Variants in SSBP2 observed in about 807,000 individuals in gnomAD.
SSBP2 encodes single-stranded DNA-binding protein 2.
A neutral mutation model predicts 61.8 loss-of-function variants in SSBP2; 17 were observed. The ratio of observed to expected loss-of-function variants is 0.28; its 90% CI spans 0.19 to 0.41. The LOEUF is 0.41. Among genes scored for constraint, SSBP2 ranks in the 10% least tolerant of loss-of-function variants. The pLI is 1.00. For missense variants in SSBP2, 310 were observed against 458.7 expected (o/e 0.68, Z 2.96); for synonymous variants, 139 against 141.3 (o/e 0.98, Z 0.12).
intron 10 of SSBP2, among the ~76,000 whole-genome samples, chr5:81,454,834 G>A (rs1422686300): frequency 6.6e-6 from 1 of 152,010 alleles, no homozygotes; most frequent in Non-Finnish European, 1.5e-5. Context: ...AACATTGGAC[G>A]CAAAGGGCAG....
intron 4 of SSBP2, among the ~76,000 whole-genome samples, chr5:81,599,685 A>T (rs112398240): frequency 7.9e-5 from 12 of 152,312 alleles, no homozygotes; most frequent in African/African-American, 2.6e-4. Context: ...CTTCCTTCAA[A>T]ATTCAGCTCT....
intron 1 of SSBP2, among the ~76,000 whole-genome samples, chr5:81,713,237 G>A (rs1754917349): frequency 6.6e-6 from 1 of 151,868 alleles, no homozygotes; most frequent in African/African-American, 2.4e-5. Context: ...GAGAGAAAAA[G>A]TTTACAAACA....
chr5:81,684,775 A>G (rs1260929598), intron 1 of SSBP2, among the ~76,000 whole-genome samples: 2 of 152,246 alleles, frequency 1.3e-5, no homozygotes, highest in East Asian at 3.9e-4. Flanking sequence ...TTTGTCTCAG[A>G]TGAGACTTTG....
At chr5:81,515,409 C>G (rs1301831698) in intron 4 of SSBP2, among the ~76,000 whole-genome samples, 1 of 151,972 alleles carries the variant, frequency 6.6e-6, no homozygotes, top group Non-Finnish European at 1.5e-5. Context: ...GGAAATCACA[C>G]TCACCTGTAC....
intron 4 of SSBP2, among the ~76,000 whole-genome samples, chr5:81,542,947 C>G (rs184728172): frequency 6.6e-6 from 1 of 151,748 alleles, no homozygotes; most frequent in East Asian, 1.9e-4. Flanking sequence ...CTCTGCCTCC[C>G]GGGCTGAAGC....
chr5:81,690,454 G>A (rs751627709), intron 1 of SSBP2, among the ~76,000 whole-genome samples: 8 of 151,982 alleles, frequency 5.3e-5, no homozygotes, highest in Non-Finnish European at 8.8e-5. Context: ...GTAACTATGC[G>A]TATATCAGAC....
At chr5:81,548,017 T>C (rs1320073992) in intron 4 of SSBP2, among the ~76,000 whole-genome samples, 3 of 152,200 alleles carry the variant, frequency 2.0e-5, no homozygotes, top group Non-Finnish European at 4.4e-5. Context: ...TATAAACCCA[T>C]GGAATATACA....
rs1034952373 is a variant in SSBP2 at position 81,650,002 on chromosome 5, C to A, written c.135+265G>T. On this transcript the variant is annotated intron_variant, in intron 2 of 16. Coordinates refer to ENST00000320672, the MANE Select transcript of SSBP2 (RefSeq NM_012446.5). Reference sequence around the variant, plus strand: ...AGAGTAAATTTTTAAAATTTGCTTTCTTGATTATTGTTGCCATGCTAATAT... The same window carrying A: ...AGAGTAAATTTTTAAAATTTGCTTTATTGATTATTGTTGCCATGCTAATAT... Among the ~76,000 whole-genome samples the A allele has an allele frequency of 2.6e-5, 4 of 151,864 alleles. No homozygotes were observed. In the South Asian group the frequency reaches 6.2e-4, roughly 24 times the overall value.
At chr5:81,705,570 C>G (rs1263305516) in intron 1 of SSBP2, among the ~76,000 whole-genome samples, 1 of 151,898 alleles carries the variant, frequency 6.6e-6, no homozygotes, top group Non-Finnish European at 1.5e-5. Flanking sequence ...TTAACTACAT[C>G]GCAATTAGAT....
chr5:81,550,060 T>C (rs1440128145), intron 4 of SSBP2, among the ~76,000 whole-genome samples: 1 of 152,218 alleles, frequency 6.6e-6, no homozygotes, highest in African/African-American at 2.4e-5. Flanking sequence ...ATTCAGAGTT[T>C]AAAGAAATAG....
rs1027142495 is a variant in SSBP2, at chr5:81,699,711, A to G, written c.63-49372T>C. On this transcript the variant is annotated intron_variant, in intron 1 of 16. Transcript: ENST00000320672. ...TTCTTCCAAACTCCTGTTCATGTTC[A>G]TATTTTTACTTCCTCCCATTTGTCG... Among the ~76,000 whole-genome samples the G allele has an allele frequency of 7.2e-5, 11 of 152,282 alleles. No homozygotes were observed. In the South Asian group the frequency reaches 1.2e-3, roughly 17 times the overall value.
chr5:81,662,833 T>C (rs191230139), intron 1 of SSBP2, among the ~76,000 whole-genome samples: 1 of 151,888 alleles, frequency 6.6e-6, no homozygotes. Flanking sequence ...AAAAGAAAAT[T>C]ACAACTTCTA....
chr5:81,608,879 G>A (rs987383783), intron 4 of SSBP2, among the ~76,000 whole-genome samples: 1 of 152,162 alleles, frequency 6.6e-6, no homozygotes, highest in Non-Finnish European at 1.5e-5. Flanking sequence ...GGAAAAGACA[G>A]TGTTCAGGCA....
At chr5:81,428,705 C>A (rs766002143) in intron 15 of SSBP2, 22 bp from the exon 16 acceptor site, 5 of 1,582,262 alleles carry the variant, frequency 3.2e-6, no homozygotes, top group Non-Finnish European at 4.3e-6. Context: ...ATTTAGAAAA[C>A]AAGGCATTGT....
At chr5:81,552,463 AC>A (rs1308107221) in intron 4 of SSBP2, among the ~76,000 whole-genome samples, 1 of 152,000 alleles carries the variant, frequency 6.6e-6, no homozygotes, top group Non-Finnish European at 1.5e-5. Flanking sequence ...ACATGGTAAA[AC>A]CCTGTCTCTA....
At chr5:81,704,121 T>G (rs1474731590) in intron 1 of SSBP2, among the ~76,000 whole-genome samples, 2 of 152,202 alleles carry the variant, frequency 1.3e-5, no homozygotes, top group Admixed American at 1.3e-4. Context: ...GGTACAGGGT[T>G]GGGGATTCTT....
chr5:81,531,243 G>GAAAA (rs1205675144), intron 4 of SSBP2, among the ~76,000 whole-genome samples: 1 of 108,756 alleles, frequency 9.2e-6, no homozygotes, highest in Admixed American at 8.9e-5. Flanking sequence ...AAAAAAAAAA[G>GAAAA]AAAAAAAAAA....
chr5:81,638,571 G>A (rs1489998654), intron 2 of SSBP2, among the ~76,000 whole-genome samples: 2 of 150,438 alleles, frequency 1.3e-5, no homozygotes, highest in African/African-American at 4.9e-5. Context: ...CCTGGTAACT[G>A]TTAGGTGCTA....
At chr5:81,744,602 T>A (rs1001695131) in intron 1 of SSBP2, among the ~76,000 whole-genome samples, 2 of 150,582 alleles carry the variant, frequency 1.3e-5, no homozygotes, top group African/African-American at 4.8e-5. Flanking sequence ...ACAAAAATAT[T>A]TAAAACTAGA....
Sources: allele counts gnomAD v4.1 joint callset (sites outside exome capture counted in the v4.1 genomes callset), GRCh38; gene constraint gnomAD v4.1.1; transcripts MANE v1.5; gene names NCBI Gene and HGNC (gene_info 2026-07-23, HGNC 2026-07-21).